The following OSMR variants were observed in gnomAD, a reference collection of about 807,000 sequenced individuals.
The protein encoded by OSMR is oncostatin-M-specific receptor subunit beta.
OSMR carries 81 observed loss-of-function variants against 99.9 expected under a neutral mutation model. The observed-to-expected ratio is 0.81, with a 90% CI of 0.68 to 0.97. The LOEUF (loss-of-function observed/expected upper bound fraction) is 0.97, where lower values mean the gene tolerates loss of function less well. Among genes scored for constraint, OSMR ranks in the 50% least tolerant of loss-of-function variants. OSMR has a pLI of 0.00. For synonymous variants in OSMR, 406 were observed against 410.4 expected, an observed-to-expected ratio of 0.99 and a Z score of 0.13; for missense variants, 1,099 against 1,153.4, an observed-to-expected ratio of 0.95 and a Z score of 0.68.
chr5:38,911,462 T>C (rs1387533087), intron 9 of OSMR, among the ~76,000 whole-genome samples: 2 of 152,136 alleles, frequency 1.3e-5, no homozygotes, highest in Non-Finnish European at 2.9e-5. Context: ...CCAGATGCAT[T>C]CACAGCCAAA....
intron 1 of OSMR, among the ~76,000 whole-genome samples, chr5:38,852,756 A>G (rs1227141267): frequency 5.3e-5 from 3 of 56,968 alleles, no homozygotes; most frequent in East Asian, 9.1e-4. Flanking sequence ...TTTGAGACGG[A>G]GTCTCACTCT....
At chr5:38,884,240 A>G (rs1455813852) in intron 5 of OSMR, 129 bp downstream of exon 5, 1 of 832,650 alleles carries the variant, frequency 1.2e-6, no homozygotes, top group Non-Finnish European at 2.1e-6. Flanking sequence ...CAAGTTTTCT[A>G]GGAGAGGCTC....
intron 14 of OSMR, among the ~76,000 whole-genome samples, chr5:38,924,844 C>T (rs1238074192): frequency 1.3e-5 from 2 of 151,446 alleles, no homozygotes; most frequent in African/African-American, 2.4e-5. Flanking sequence ...CCACCAGCTC[C>T]TTAAGAAAGC....
At chr5:38,932,285 A>G (rs1230060929) in intron 16 of OSMR, among the ~76,000 whole-genome samples, 178 bp from the exon 17 acceptor site, 3 of 152,226 alleles carry the variant, frequency 2.0e-5, no homozygotes, top group Non-Finnish European at 2.9e-5. Flanking sequence ...TGGGGACACT[A>G]TAAGTACCAT....
At chr5:38,906,481 T>C (rs1745242206) in intron 9 of OSMR, among the ~76,000 whole-genome samples, 1 of 152,224 alleles carries the variant, frequency 6.6e-6, no homozygotes, top group Admixed American at 6.5e-5. Context: ...AATGATGTTG[T>C]TTATAAAATA....
intron 1 of OSMR, among the ~76,000 whole-genome samples, chr5:38,850,613 T>C (rs1561325657): frequency 6.6e-6 from 1 of 152,228 alleles, no homozygotes; most frequent in Non-Finnish European, 1.5e-5. Context: ...CAATTGTAAG[T>C]GGCTTCTGCA....
chr5:38,914,891 C>T (rs1178133887), intron 9 of OSMR, among the ~76,000 whole-genome samples: 1 of 152,188 alleles, frequency 6.6e-6, no homozygotes, highest in East Asian at 1.9e-4. Flanking sequence ...TCTATGCCCA[C>T]TGTTTGGGTG....
At chr5:38,912,092 AG>A (rs200560418) in intron 9 of OSMR, among the ~76,000 whole-genome samples, 12 of 151,860 alleles carry the variant, frequency 7.9e-5, no homozygotes, top group South Asian at 2.1e-4. Flanking sequence ...GAAAAAAAAA[AG>A]CATCCAAATA....
Position 38,852,792 on chromosome 5 carries a change from G to A in OSMR, c.-14+6405G>A, listed in dbSNP as rs377102465. Among the ~76,000 whole-genome samples the A allele has an allele frequency of 5.3e-3, 659 of 125,516 alleles. 5 individuals are homozygous for A. Among genetic ancestry groups the A allele is most frequent in the Middle Eastern group, 0.045 (7 of 156 alleles). The allele number at this position is 125,516 out of a possible 152,430, so 82.3% of individuals were successfully genotyped here. ...TTCGCCCAAGCTGGACTGCAGTGGC[G>A]CTATCCTGGCTCACTGCAAGCTCCG... On this transcript the variant is annotated intron_variant, in intron 1 of 17. Transcript: ENST00000274276.
At chr5:38,930,623 G>A (rs189126673) in intron 15 of OSMR, among the ~76,000 whole-genome samples, 1 of 152,274 alleles carries the variant, frequency 6.6e-6, no homozygotes, top group Admixed American at 6.5e-5. Context: ...TTATTTGGTG[G>A]AAATTGCAAG....
exon 2 of OSMR, chr5:38,944,297 A>G (rs1747933387): frequency 1.3e-6 from 1 of 783,342 alleles, no homozygotes; most frequent in African/African-American, 1.7e-5. Context: ...CTGAAGTATT[A>G]AAGAAAATCT....
At chr5:38,875,449 A>T (rs1340077583) in intron 2 of OSMR, among the ~76,000 whole-genome samples, 1 of 152,226 alleles carries the variant, frequency 6.6e-6, no homozygotes, top group Non-Finnish European at 1.5e-5. Flanking sequence ...TGGTTTATGC[A>T]GTCAGCCTAA....
intron 1 of OSMR, among the ~76,000 whole-genome samples, chr5:38,847,298 A>G (rs1024753122): frequency 1.3e-5 from 2 of 152,178 alleles, no homozygotes; most frequent in African/African-American, 2.4e-5. Context: ...ACCAGCCCCT[A>G]TTCTAAGCAC....
intron 3 of OSMR, chr5:38,881,374 T>C: frequency 2.1e-6 from 1 of 485,618 alleles, no homozygotes; most frequent in Non-Finnish European, 2.7e-6. Context: ...TGGAAGACCA[T>C]AGTGATTGGA....
intron 3 of OSMR, 88 bp downstream of exon 3, chr5:38,876,461 G>T: frequency 9.0e-7 from 1 of 1,110,470 alleles, no homozygotes; most frequent in East Asian, 2.5e-5. Flanking sequence ...AAAAATTCTC[G>T]TTTTGGAAAT....
intron 6 of OSMR, 24 bp downstream of exon 6, chr5:38,885,508 T>C: frequency 6.2e-7 from 1 of 1,613,846 alleles, no homozygotes; most frequent in Non-Finnish European, 8.5e-7. Flanking sequence ...GGTTACATTA[T>C]TGACAACTTC....
chr5:38,942,356 A>G, intron 1 of OSMR: 2 of 1,596,588 alleles, frequency 1.3e-6, no homozygotes, highest in Non-Finnish European at 1.7e-6. Context: ...TGTTGCCAAC[A>G]CAGCCTCTGC....
chr5:38,877,432 T>A (rs1057236445), intron 3 of OSMR, among the ~76,000 whole-genome samples: 5 of 152,266 alleles, frequency 3.3e-5, no homozygotes, highest in African/African-American at 1.2e-4. Flanking sequence ...TCTATAATTC[T>A]ACCTCTCAAA....
At chr5:38,941,441 C>A (rs1359551929) in intron 1 of OSMR, 1 of 231,666 alleles carries the variant, frequency 4.3e-6, no homozygotes. Flanking sequence ...TCCTTTAGGT[C>A]TAAACTAACA....
Sources: allele counts gnomAD v4.1 joint callset (sites outside exome capture counted in the v4.1 genomes callset), GRCh38; gene constraint gnomAD v4.1.1; transcripts MANE v1.5; gene names NCBI Gene and HGNC (gene_info 2026-07-23, HGNC 2026-07-21).